Variants in CDK13 observed in about 807,000 individuals in gnomAD.
The protein encoded by CDK13 is cyclin dependent kinase 13.
Under a neutral mutation model 137.6 loss-of-function variants are expected in CDK13, and 40 were observed. The ratio of observed to expected loss-of-function variants is 0.29; its 90% confidence interval spans 0.23 to 0.38. The LOEUF (loss-of-function observed/expected upper bound fraction) is 0.38. Ranked by LOEUF, CDK13 falls within the 10% of genes least tolerant of loss-of-function variation. The pLI is 1.00. For missense variants in CDK13, 1,704 were observed against 1,951.8 expected (o/e 0.87, Z 2.39); for synonymous variants, 869 against 760.1 (o/e 1.14, Z -2.36).
At chr7:40,032,168 C>T (rs1785394405) in intron 5 of CDK13, among the ~76,000 whole-genome samples, 1 of 152,146 alleles carries the variant, frequency 6.6e-6, no homozygotes, top group Admixed American at 6.5e-5. Context: ...GCCGTCTTCC[C>T]ACCTCAGCCT....
At chr7:40,067,558 T>C (rs1452854625) in intron 9 of CDK13, 1 of 144,418 alleles carries the variant, frequency 6.9e-6, no homozygotes, top group Non-Finnish European at 1.6e-5. Context: ...AATAAATAAA[T>C]AAACTACATA....
intron 2 of CDK13, among the ~76,000 whole-genome samples, chr7:39,993,155 A>C (rs1054219094): frequency 1.3e-5 from 2 of 152,212 alleles, no homozygotes; most frequent in African/African-American, 4.8e-5. Flanking sequence ...TAGGGACTGC[A>C]CATGGTGATT....
Position 40,004,219 on chromosome 7 carries a change from TTTTC to T in CDK13, c.2353+2192_2353+2195del, listed in dbSNP as rs1784751488. Among the ~76,000 whole-genome samples the T allele has an allele frequency of 2.6e-5, 4 of 152,182 alleles. No homozygotes were observed. The South Asian group carries it at 6.2e-4, about 24-fold the overall frequency. On this transcript the variant is annotated intron_variant, in intron 5 of 13. Coordinates refer to ENST00000181839, the MANE Select transcript of CDK13 (RefSeq NM_003718.5). The stretch of plus-strand genomic sequence containing the variant: ...GTATTATAATTATGGTCATAATTTA[TTTTC>T]TTTATCAGGTTATAAATTCCCAGAG...
At chr7:39,984,355 A>G (rs1446374784) in intron 1 of CDK13, 1 of 151,392 alleles carries the variant, frequency 6.6e-6, no homozygotes, top group African/African-American at 2.4e-5. Context: ...GGCTGCAGTG[A>G]GCTGTGGGTA....
intron 7 of CDK13, among the ~76,000 whole-genome samples, chr7:40,059,877 C>T (rs929287736): frequency 2.6e-5 from 4 of 152,042 alleles, no homozygotes; most frequent in Admixed American, 2.0e-4. Context: ...ATTCAACTTC[C>T]TAGATTAAAT....
rs34654098 is a variant in CDK13 at position 40,031,828 on chromosome 7, G to GTTATTATTA, written c.2354-13978_2354-13970dup. ...GCTCGGCTAATTTATTATTATTATT[G>GTTATTATTA]TTATTATTATTATTATTATTATTAT... On this transcript the variant is annotated intron_variant, in intron 5 of 13. Coordinates refer to ENST00000181839, the MANE Select transcript of CDK13 (RefSeq NM_003718.5). Among the ~76,000 whole-genome samples, 1,023 of 139,098 alleles carry GTTATTATTA rather than the reference G, an allele frequency of 7.4e-3. 9 individuals carry two copies. The highest frequency in any genetic ancestry group is 0.016 in the African/African-American group (616 of 37,936). The allele number at this position is 139,098 out of a possible 152,430, so 91.3% of individuals were successfully genotyped here.
rs762874336 is a variant in CDK13, at chr7:39,951,860, C to G, written c.1211+8C>G. The stretch of plus-strand genomic sequence containing the variant: ...CTACAGCCCTGTGCTCAGGTGAGTT[C>G]TGCCGTTCTGCCTGTGTGTGCCTTG... On this transcript the variant is annotated splice_region_variant and intron_variant, in intron 1 of 13. Coordinates refer to ENST00000181839, the MANE Select transcript of CDK13 (RefSeq NM_003718.5). The G allele has an allele frequency of 2.2e-6, 3 of 1,357,676 alleles. No homozygotes were observed. The highest frequency in any genetic ancestry group is 5.5e-5 in the East Asian group (2 of 36,062). The allele number at this position is 1,357,676 out of a possible 1,614,324, so 84.1% of individuals were successfully genotyped here.
intron 5 of CDK13, among the ~76,000 whole-genome samples, chr7:40,010,349 G>A (rs926261344): frequency 1.3e-5 from 2 of 152,134 alleles, no homozygotes; most frequent in Non-Finnish European, 2.9e-5. Flanking sequence ...GACAGAAGGC[G>A]GAGCTCAGGC....
rs1336767967 is a variant in CDK13 at position 39,951,391 on chromosome 7, C to T, written c.750C>T (p.Ser250=). 5.9e-6 allele frequency: 9 copies of T among 1,523,730 alleles called. No individual in the cohort carries two copies. Among genetic ancestry groups the T allele is most frequent in the East Asian group, 5.3e-5 (2 of 38,068 alleles). The allele number at this position is 1,523,730 out of a possible 1,614,324, so 94.4% of individuals were successfully genotyped here. ...GGGCCGAGGTCGCCAAGAGCGGCAG[C>T]AGCAGCAGCAGCGGCGGCCGCCGGA... ...EERAEVAKSG[S]SSSSGGRRKS... Residue 250 remains serine, a synonymous_variant, in exon 1 of 14, where the codon AGC becomes AGT. Coordinates refer to ENST00000181839, the MANE Select transcript of CDK13 (RefSeq NM_003718.5).
chr7:40,030,270 T>G (rs150787391), intron 5 of CDK13, among the ~76,000 whole-genome samples: 18,579 of 142,044 alleles, frequency 0.13, 1,595 homozygotes, highest in East Asian at 0.41. Context: ...TGTATATATA[T>G]ATATAGAGAG....
intron 1 of CDK13, 37 bp downstream of exon 1, chr7:39,951,889 G>A: frequency 7.5e-7 from 1 of 1,326,786 alleles, no homozygotes; most frequent in Non-Finnish European, 9.6e-7. Flanking sequence ...TGCCTTGGCT[G>A]CGCTGGCCAG....
intron 1 of CDK13, among the ~76,000 whole-genome samples, chr7:39,983,038 A>G (rs1408497408): frequency 6.6e-6 from 1 of 152,036 alleles, no homozygotes; most frequent in East Asian, 1.9e-4. Flanking sequence ...CCATTTGTCA[A>G]TTTTGGCTTT....
intron 11 of CDK13, among the ~76,000 whole-genome samples, chr7:40,083,673 CTT>C (rs373684981): frequency 2.0e-5 from 3 of 152,262 alleles, no homozygotes; most frequent in Non-Finnish European, 4.4e-5. Flanking sequence ...CTAAATCAGA[CTT>C]AATTTTATCA....
intron 5 of CDK13, among the ~76,000 whole-genome samples, chr7:40,007,520 G>C (rs1784817479): frequency 6.6e-6 from 1 of 152,192 alleles, no homozygotes; most frequent in East Asian, 1.9e-4. Flanking sequence ...TCTGCCTCCC[G>C]GGTTCAAGTG....
In CDK13 at chr7:40,094,133, A is replaced by C. The variant is rs1405704853; in HGVS notation, c.3692A>C (p.Gln1231Pro). ...GTTTTTGCTCTGTTTCACTTAGGACAAGATGACCTCATCCAGCATCAAGAT... is the reference window on the plus strand; with the variant it reads ...GTTTTTGCTCTGTTTCACTTAGGACCAGATGACCTCATCCAGCATCAAGAT... The part of the protein sequence containing the change: ...PPEPSTPVSG[Q>P]DDLIQHQDMR... The change falls in exon 14 of 14, where the codon CAA (glutamine) becomes CCA (proline). Residue 1231 changes from glutamine (Q) to proline (P), a missense_variant. Coordinates refer to ENST00000181839, the MANE Select transcript of CDK13 (RefSeq NM_003718.5). 5 of 1,613,342 alleles carry C rather than the reference A, an allele frequency of 3.1e-6. No homozygotes were observed. The highest frequency in any genetic ancestry group is 2.5e-6 in the Non-Finnish European group (3 of 1,179,878).
At chr7:40,067,065 T>G (rs191911871) in intron 9 of CDK13, among the ~76,000 whole-genome samples, 6 of 152,300 alleles carry the variant, frequency 3.9e-5, no homozygotes, top group African/African-American at 1.4e-4. Context: ...ATCAGCATTA[T>G]TCGAAGAGTT....
In CDK13 at chr7:40,093,236, G is replaced by T. The variant is rs764932758; in HGVS notation, c.3687G>T (p.Ser1229=). The T allele has an allele frequency of 2.5e-6, 4 of 1,607,036 alleles. No homozygotes were observed. Among genetic ancestry groups the T allele is most frequent in the Non-Finnish European group, 2.5e-6 (3 of 1,176,602 alleles). ...CTCCAGAACCTAGCACTCCGGTGTC[G>T]GGTAAGTGTGCAGATACCAGACCAC... The part of the protein sequence containing the change: ...RPPPEPSTPV[S]GQDDLIQHQD... Residue 1229 remains serine, a splice_region_variant and synonymous_variant, in exon 13 of 14, where the codon TCG becomes TCT. Transcript: ENST00000181839.
At chr7:39,968,013 T>C (rs1278060026) in intron 1 of CDK13, among the ~76,000 whole-genome samples, 1 of 152,208 alleles carries the variant, frequency 6.6e-6, no homozygotes, top group African/African-American at 2.4e-5. Context: ...ATTCAAGCAC[T>C]AATCACCAAA....
chr7:39,984,487 A>G (rs1404115020), intron 1 of CDK13: 1 of 152,004 alleles, frequency 6.6e-6, no homozygotes, highest in Non-Finnish European at 1.5e-5. Context: ...ATTTAAAAAA[A>G]TTTTGTGGGT....
Sources: allele counts gnomAD v4.1 joint callset (sites outside exome capture counted in the v4.1 genomes callset), GRCh38; gene constraint gnomAD v4.1.1; transcripts MANE v1.5; gene names NCBI Gene and HGNC (gene_info 2026-07-23, HGNC 2026-07-21).